TIMM21: variants seen among roughly 807,000 people sequenced by gnomAD.
The protein encoded by TIMM21 is mitochondrial import inner membrane translocase subunit Tim21.
A neutral mutation model predicts 27.7 loss-of-function variants in TIMM21; 30 were observed. The ratio of observed to expected loss-of-function variants is 1.08; its 90% CI spans 0.81 to 1.47. The LOEUF is 1.47. Among genes scored for constraint, TIMM21 ranks in the 40% most tolerant of loss-of-function variants. TIMM21 has a pLI of 0.00. For missense variants in TIMM21, 292 were observed against 302.9 expected (o/e 0.96, Z 0.27); for synonymous variants, 121 against 114.4 (o/e 1.06, Z -0.37).
At chr18:74,151,924 G>GTGGTGTCTA (rs1979812565) in intron 1 of TIMM21, among the ~76,000 whole-genome samples, 1 of 143,088 alleles carries the variant, frequency 7.0e-6, no homozygotes, top group African/African-American at 2.8e-5. Flanking sequence ...TTAAGAAGCA[G>GTGGTGTCTA]TGGTGTCTAT....
intron 3 of TIMM21, chr18:74,157,637 C>T (rs1979986019): frequency 6.0e-6 from 1 of 166,306 alleles, no homozygotes; most frequent in Non-Finnish European, 1.3e-5. Context: ...GCTCTGTCAC[C>T]CAGGCTGGAG....
At position 74,158,514 on chromosome 18, in the gene TIMM21, A is replaced by T; in HGVS notation, c.*34A>T. 7.6e-7 allele frequency: 1 copy of T among 1,311,890 alleles called. No individual in the cohort carries two copies. Among genetic ancestry groups the T allele is most frequent in the South Asian group, 1.2e-5 (1 of 82,674 alleles). The allele number at this position is 1,311,890 out of a possible 1,614,324, so 81.3% of individuals were successfully genotyped here. On this transcript the variant is annotated 3_prime_UTR_variant, in exon 6 of 6. Coordinates refer to ENST00000169551, the MANE Select transcript of TIMM21 (RefSeq NM_014177.3). The stretch of plus-strand genomic sequence containing the variant: ...TTCTGATGGATGTTGAATGGCGTGG[A>T]CTCGCTACTCCGTTCTTCACAGCTG...
In TIMM21 at chr18:74,158,010, G is replaced by A; in HGVS notation, c.463-4G>A. 6.2e-7 allele frequency: 1 copy of A among 1,614,050 alleles called. No homozygotes were observed. The highest frequency in any genetic ancestry group is 8.5e-7 in the Non-Finnish European group (1 of 1,179,934). On this transcript the variant is annotated splice_region_variant and splice_polypyrimidine_tract_variant and intron_variant, in intron 3 of 5. Coordinates refer to ENST00000169551, the MANE Select transcript of TIMM21 (RefSeq NM_014177.3). ...CAAAATAAAGCACTGTCCTTGTTCTGCAGGTGATCGGTGTCTTTGGTGAGT... is the reference window on the plus strand; with the variant it reads ...CAAAATAAAGCACTGTCCTTGTTCTACAGGTGATCGGTGTCTTTGGTGAGT...
intron 3 of TIMM21, 189 bp from the exon 4 acceptor site, chr18:74,157,825 G>A (rs2121924404): frequency 4.9e-6 from 3 of 611,040 alleles, no homozygotes; most frequent in South Asian, 2.1e-5. Flanking sequence ...TTGAACTCCT[G>A]ACCTTGTGAT....
At chr18:74,149,407 A>AAG (rs139675978) in intron 1 of TIMM21, among the ~76,000 whole-genome samples, 2 of 151,880 alleles carry the variant, frequency 1.3e-5, no homozygotes, top group East Asian at 1.9e-4. Flanking sequence ...ATAGGATAAA[A>AAG]AGAGAGAGAG....
intron 1 of TIMM21, among the ~76,000 whole-genome samples, chr18:74,153,723 A>G (rs542687225): frequency 1.3e-5 from 2 of 152,372 alleles, no homozygotes; most frequent in African/African-American, 4.8e-5. Context: ...GTGATACGCT[A>G]AAGACTACTT....
intron 1 of TIMM21, 116 bp from the exon 2 acceptor site, chr18:74,155,029 A>T: frequency 1.1e-6 from 1 of 938,752 alleles, no homozygotes; most frequent in Non-Finnish European, 1.7e-6. Flanking sequence ...GAACACACAC[A>T]GACCCCTTGC....
In TIMM21 at chr18:74,155,205, C is replaced by T. The variant is rs754001060; in HGVS notation, c.362C>T (p.Thr121Ile). The T allele has an allele frequency of 1.2e-6, 2 of 1,614,192 alleles. No homozygotes were observed. The highest frequency in any genetic ancestry group is 1.6e-4 in the Middle Eastern group (1 of 6,062). ...LIVVLFGISI[T>I]GGLFYTIFKE... is the part of the protein sequence containing the mutation. The stretch of plus-strand genomic sequence containing the variant: ...GTGGTGCTTTTTGGAATCAGCATTA[C>T]AGGTTGCAAAAAACAGCAAGTATAA... Residue 121 changes from threonine to isoleucine, a missense_variant and splice_region_variant, in exon 2 of 6, where the codon ACA (threonine) becomes ATA (isoleucine). Coordinates refer to ENST00000169551, the MANE Select transcript of TIMM21 (RefSeq NM_014177.3).
At chr18:74,158,334 T>C (rs1980011648) in intron 5 of TIMM21, 42 bp from the exon 6 acceptor site, 1 of 1,608,374 alleles carries the variant, frequency 6.2e-7, no homozygotes, top group African/African-American at 1.3e-5. Flanking sequence ...ATTTAAGTTC[T>C]GGAAAGGAAA....
In TIMM21 at chr18:74,151,923, A is replaced by C. The variant is rs1273509768; in HGVS notation, c.301+2814A>C. Among the ~76,000 whole-genome samples the C allele has an allele frequency of 4.5e-5, 6 of 134,316 alleles. 1 individual carries two copies. Among genetic ancestry groups the C allele is most frequent in the African/African-American group, 1.9e-4 (6 of 32,094 alleles). The allele number at this position is 134,316 out of a possible 152,430, so 88.1% of individuals were successfully genotyped here. On this transcript the variant is annotated intron_variant, in intron 1 of 5. Transcript: ENST00000169551. ...CCTTGACACACCACCCTTAAGAAGC[A>C]GTGGTGTCTATGTTCCCCCCCCCCC... is the stretch of plus-strand genomic sequence containing the variant.
At chr18:74,151,936 T>TCCCC (rs1568190845) in intron 1 of TIMM21, among the ~76,000 whole-genome samples, 4 of 107,032 alleles carry the variant, frequency 3.7e-5, no homozygotes, top group East Asian at 3.4e-4. Flanking sequence ...GGTGTCTATG[T>TCCCC]TCCCCCCCCC....
intron 1 of TIMM21, 45 bp downstream of exon 1, chr18:74,149,154 A>G: frequency 6.4e-7 from 1 of 1,565,564 alleles, no homozygotes; most frequent in Admixed American, 1.8e-5. Flanking sequence ...CAGACATGAC[A>G]AGAGCTGCCA....
intron 1 of TIMM21, among the ~76,000 whole-genome samples, chr18:74,151,948 C>CA (rs746885874): frequency 2.0e-5 from 3 of 147,186 alleles, no homozygotes; most frequent in Non-Finnish European, 3.0e-5. Flanking sequence ...CCCCCCCCCC[C>CA]CGGGGGGACC....
In TIMM21 at chr18:74,158,001, C is replaced by A. The variant is rs1403409640; in HGVS notation, c.463-13C>A. 6.2e-7 allele frequency: 1 copy of A among 1,613,792 alleles called. No individual in the cohort carries two copies. Among genetic ancestry groups the A allele is most frequent in the South Asian group, 1.1e-5 (1 of 91,060 alleles). The stretch of plus-strand genomic sequence containing the variant: ...AAAATAACACAAAATAAAGCACTGT[C>A]CTTGTTCTGCAGGTGATCGGTGTCT... On this transcript the variant is annotated splice_polypyrimidine_tract_variant and intron_variant, in intron 3 of 5. Coordinates refer to ENST00000169551, the MANE Select transcript of TIMM21 (RefSeq NM_014177.3).
rs1375107359 is a variant in TIMM21 at position 74,159,346 on chromosome 18, G to C, written c.*866G>C. 6.6e-6 allele frequency: 1 copy of C among 151,274 alleles called. No homozygotes were observed. Among genetic ancestry groups the C allele is most frequent in the Non-Finnish European group, 1.5e-5 (1 of 67,874 alleles). 9.4% of individuals were successfully genotyped at this position (151,274 alleles called of 1,614,324 possible). A position where few individuals can be genotyped will look rare whatever the true frequency, so the allele number is the denominator to read the frequency against. ...ATTTGCTGGGGATTTGGAAAAAAGT[G>C]ACCTTCACTTACAAGATCCTGATTC... On this transcript the variant is annotated 3_prime_UTR_variant, in exon 6 of 6. Transcript: ENST00000169551.
chr18:74,148,832 C>T lies in TIMM21; in HGVS notation c.24C>T (p.Ala8=), dbSNP rs146394838. MICTFLR[A]VQYTEKLHRS... Reference sequence around the variant, plus strand: ...ACATGATTTGTACTTTTCTACGAGCCGTACAGTATACGGAGAAGCTGCACA... The same window carrying T: ...ACATGATTTGTACTTTTCTACGAGCTGTACAGTATACGGAGAAGCTGCACA... Residue 8 remains alanine (A), a synonymous_variant, in exon 1 of 6, where the codon GCC becomes GCT. Coordinates refer to ENST00000169551, the MANE Select transcript of TIMM21 (RefSeq NM_014177.3). The T allele has an allele frequency of 1.5e-4, 241 of 1,608,522 alleles. No homozygotes were observed. Among genetic ancestry groups the T allele is most frequent in the Non-Finnish European group, 1.9e-4 (225 of 1,175,346 alleles).
chr18:74,157,940 C>G, intron 3 of TIMM21, 74 bp from the exon 4 acceptor site: 1 of 1,519,392 alleles, frequency 6.6e-7, no homozygotes, highest in Non-Finnish European at 9.0e-7. Flanking sequence ...CTAAAATCAT[C>G]TGGTTTGTTA....
chr18:74,156,099 G>A (rs926060009), intron 3 of TIMM21: 34 of 394,930 alleles, frequency 8.6e-5, no homozygotes, highest in African/African-American at 6.6e-4. Context: ...CGTAGCCGGT[G>A]TGGCCTGGGA....
At chr18:74,151,773 CGAA>C (rs1250762348) in intron 1 of TIMM21, among the ~76,000 whole-genome samples, 4 of 152,120 alleles carry the variant, frequency 2.6e-5, no homozygotes, top group Non-Finnish European at 5.9e-5. Flanking sequence ...ATCACTGTCT[CGAA>C]GTTTCCAGGA....
Sources: gnomAD v4.1 joint callset for allele counts (sites outside exome capture counted in the v4.1 genomes callset) on GRCh38, gnomAD v4.1.1 for gene constraint, MANE v1.5 for transcripts, NCBI Gene and HGNC (gene_info 2026-07-23, HGNC 2026-07-21) for gene names.